The following ADAM12 variants were observed in gnomAD, a reference collection of about 807,000 sequenced individuals.
ADAM12 encodes the protein disintegrin and metalloproteinase domain-containing protein 12.
In ADAM12, 70 loss-of-function variants were observed where a neutral mutation model predicts 106.4. That is an observed-to-expected ratio of 0.66 (90% CI 0.54 to 0.80). The LOEUF (loss-of-function observed/expected upper bound fraction) is 0.80, where lower values mean the gene tolerates loss of function less well. ADAM12 is among the 30% of genes least tolerant of loss of function. The pLI is 0.00. For missense variants in ADAM12, 1,010 were observed against 1,171.9 expected, an observed-to-expected ratio of 0.86 and a Z score of 2.02; for synonymous variants, 420 against 433.5, an observed-to-expected ratio of 0.97 and a Z score of 0.39.
intron 1 of ADAM12, among the ~76,000 whole-genome samples, chr10:126,345,000 C>T (rs1039110464): frequency 2.2e-4 from 34 of 152,110 alleles, no homozygotes; most frequent in African/African-American, 4.8e-4. Context: ...CTTTTCCTAA[C>T]TGAATACCCT....
intron 5 of ADAM12, among the ~76,000 whole-genome samples, chr10:126,132,820 A>C (rs990565360): frequency 6.6e-6 from 1 of 151,988 alleles, no homozygotes; most frequent in African/African-American, 2.4e-5. Context: ...GGGGTCCCAG[A>C]GTATCCATTT....
chr10:126,350,486 G>T (rs1164085842), intron 1 of ADAM12, among the ~76,000 whole-genome samples: 1 of 152,156 alleles, frequency 6.6e-6, no homozygotes, highest in East Asian at 1.9e-4. Flanking sequence ...CAGCTGCCTG[G>T]GCATGGCCAC....
At position 126,025,674 on chromosome 10, in the gene ADAM12, C is replaced by A. The variant is rs187312639; in HGVS notation, c.2530-5849G>T. Among the ~76,000 whole-genome samples, 433 of 152,180 alleles carry A rather than the reference C, an allele frequency of 2.8e-3. 1 individual carries two copies. The highest frequency in any genetic ancestry group is 4.9e-3 in the Non-Finnish European group (333 of 67,994). On this transcript the variant is annotated intron_variant, in intron 21 of 22. Coordinates refer to ENST00000448723, the MANE Select transcript of ADAM12 (RefSeq NM_001288973.2). ...AGAAAATGACCCACAAAAATCTCAT[C>A]CAAAGGTGTCAGCAACCTCGAAGAT...
intron 3 of ADAM12, among the ~76,000 whole-genome samples, chr10:126,214,094 T>G (rs759103344): frequency 1.3e-5 from 2 of 152,144 alleles, no homozygotes; most frequent in East Asian, 1.9e-4. Context: ...GAAGCATCAA[T>G]AAGAAGCTGG....
At chr10:126,036,509 CAG>C (rs1216952917) in intron 20 of ADAM12, among the ~76,000 whole-genome samples, 184 bp from the exon 21 acceptor site, 23 of 152,238 alleles carry the variant, frequency 1.5e-4, no homozygotes, top group African/African-American at 5.1e-4. Context: ...AAAATTCAAA[CAG>C]AAGCATCACC....
rs145176301 is a variant in ADAM12, at chr10:126,156,337, A to G, written c.261-1032T>C. Among the ~76,000 whole-genome samples, 1,192 of 152,364 alleles carry G rather than the reference A, an allele frequency of 7.8e-3. 7 individuals carry two copies. Among genetic ancestry groups the G allele is most frequent in the Middle Eastern group, 0.017 (5 of 294 alleles). On this transcript the variant is annotated intron_variant, in intron 3 of 22. Coordinates refer to ENST00000448723, the MANE Select transcript of ADAM12 (RefSeq NM_001288973.2). ...TAAGTCAAACGGAAACACTTCAGCT[A>G]TGACAGGAAATATCCTCTCCATTTA...
At chr10:126,148,399 C>T (rs1207825868) in intron 4 of ADAM12, among the ~76,000 whole-genome samples, 1 of 152,172 alleles carries the variant, frequency 6.6e-6, no homozygotes, top group Non-Finnish European at 1.5e-5. Flanking sequence ...GCATCTGGGT[C>T]CTCACCACGA....
At chr10:126,386,759 T>G (rs1856676041) in intron 1 of ADAM12, among the ~76,000 whole-genome samples, 1 of 152,224 alleles carries the variant, frequency 6.6e-6, no homozygotes, top group East Asian at 1.9e-4. Context: ...CAGGCACACT[T>G]TGAGACACTT....
intron 11 of ADAM12, among the ~76,000 whole-genome samples, chr10:126,084,314 CA>C (rs1955293150): frequency 6.6e-6 from 1 of 152,140 alleles, no homozygotes; most frequent in African/African-American, 2.4e-5. Context: ...ACCAAGAACC[CA>C]GGGGCGGGGG....
At position 126,020,177 on chromosome 10, in the gene ADAM12, T is replaced by C. The variant is rs146255751; in HGVS notation, c.2530-352A>G. On this transcript the variant is annotated intron_variant, in intron 21 of 22. Transcript: ENST00000448723. ...TGTTCACCCTAAAATAAGAAGTTGGTGAAAATCTTTTCAAACATCACATTC... is the reference window on the plus strand; with the variant it reads ...TGTTCACCCTAAAATAAGAAGTTGGCGAAAATCTTTTCAAACATCACATTC... 5.5e-4 allele frequency among the ~76,000 whole-genome samples: 84 copies of C among 152,246 alleles called. No homozygotes were observed. The South Asian group carries it at 8.7e-3, about 16-fold the overall frequency.
chr10:126,125,249 CTTTTTTT>C (rs35917087), intron 5 of ADAM12, among the ~76,000 whole-genome samples: 22 of 134,248 alleles, frequency 1.6e-4, no homozygotes, highest in African/African-American at 5.8e-4. Context: ...CTTTTCTTTT[CTTTTTTT>C]TTTTTTTGAA....
At chr10:126,382,117 A>G (rs1285805808) in intron 1 of ADAM12, among the ~76,000 whole-genome samples, 4 of 152,200 alleles carry the variant, frequency 2.6e-5, no homozygotes, top group African/African-American at 9.7e-5. Context: ...AGCCATCAGA[A>G]GGTGGGATGG....
intron 2 of ADAM12, among the ~76,000 whole-genome samples, chr10:126,312,136 A>G (rs1436926693): frequency 2.7e-5 from 4 of 149,474 alleles, no homozygotes; most frequent in Admixed American, 1.3e-4. Context: ...GTGTGGAAAA[A>G]AAAAAAAAAA....
In ADAM12 at chr10:126,017,151, CAA is replaced by C. The variant is rs1245633839; in HGVS notation, c.*126_*127del. 2.4e-6 allele frequency: 2 copies of C among 836,838 alleles called. No homozygotes were observed. Among genetic ancestry groups the C allele is most frequent in the African/African-American group, 3.5e-5 (2 of 57,840 alleles). 51.8% of individuals were successfully genotyped at this position (836,838 alleles called of 1,614,324 possible). On this transcript the variant is annotated 3_prime_UTR_variant, in exon 23 of 23. Transcript: ENST00000448723. ...CAGCACAGCACTGACGGCAGTAGCT[CAA>C]AGTTCTTATAGTAATGATGTTTTAA... is the stretch of plus-strand genomic sequence containing the variant.
chr10:126,181,358 C>T (rs1321440316), intron 3 of ADAM12, among the ~76,000 whole-genome samples: 2 of 152,162 alleles, frequency 1.3e-5, no homozygotes, highest in Non-Finnish European at 2.9e-5. Flanking sequence ...AGGCATGAGC[C>T]ATCACGCCAA....
At chr10:126,040,745 C>T (rs1215829368) in intron 18 of ADAM12, among the ~76,000 whole-genome samples, 2 of 152,156 alleles carry the variant, frequency 1.3e-5, no homozygotes, top group Non-Finnish European at 2.9e-5. Flanking sequence ...AAATCTTGAA[C>T]TATAATTTCT....
chr10:126,194,673 T>C (rs983131484), intron 3 of ADAM12, among the ~76,000 whole-genome samples: 2 of 152,238 alleles, frequency 1.3e-5, no homozygotes, highest in African/African-American at 4.8e-5. Context: ...AATTGAAGGA[T>C]ATTAATTCAG....
At chr10:126,325,841 A>G (rs551696377) in intron 2 of ADAM12, among the ~76,000 whole-genome samples, 33 of 152,328 alleles carry the variant, frequency 2.2e-4, no homozygotes, top group Admixed American at 2.1e-3. Flanking sequence ...AGCGTATTTT[A>G]CAGCCATCGT....
intron 3 of ADAM12, among the ~76,000 whole-genome samples, chr10:126,179,996 C>A (rs1048384145): frequency 6.6e-6 from 1 of 152,240 alleles, no homozygotes; most frequent in South Asian, 2.1e-4. Context: ...AAAAACCCAA[C>A]GTATTCTTCA....
Sources: allele counts gnomAD v4.1 joint callset (sites outside exome capture counted in the v4.1 genomes callset), GRCh38; gene constraint gnomAD v4.1.1; transcripts MANE v1.5; gene names NCBI Gene and HGNC (gene_info 2026-07-23, HGNC 2026-07-21).